HEXB: variants seen among roughly 807,000 people sequenced by gnomAD.
HEXB encodes the protein beta-hexosaminidase subunit beta.
In HEXB, 51 loss-of-function variants were observed where a neutral mutation model predicts 71.2. That is an observed-to-expected ratio of 0.72 (90% CI 0.57 to 0.90). HEXB has a LOEUF of 0.90. HEXB is among the 40% of genes least tolerant of loss of function. The pLI is 0.00. For synonymous variants in HEXB, 266 were observed against 249.3 expected, an observed-to-expected ratio of 1.07 and a Z score of -0.63; for missense variants, 617 against 677.0, an observed-to-expected ratio of 0.91 and a Z score of 0.98.
chr5:74,691,461 A>G (rs144304063), intron 2 of HEXB, among the ~76,000 whole-genome samples: 2 of 152,356 alleles, frequency 1.3e-5, no homozygotes, highest in Non-Finnish European at 2.9e-5. Flanking sequence ...GTCAATCTAT[A>G]CTAAACAGTA....
intron 1 of HEXB, among the ~76,000 whole-genome samples, chr5:74,670,409 C>T (rs1748511280): frequency 6.6e-6 from 1 of 152,110 alleles, no homozygotes; most frequent in African/African-American, 2.4e-5. Context: ...AAATTATTCT[C>T]CACCCTCCTC....
intron 1 of HEXB, among the ~76,000 whole-genome samples, chr5:74,646,965 A>G (rs1748013086): frequency 6.6e-6 from 1 of 152,254 alleles, no homozygotes; most frequent in South Asian, 2.1e-4. Flanking sequence ...ATAGCTAGCT[A>G]TATTTAGAAG....
chr5:74,712,801 C>G (rs902730459), intron 6 of HEXB, among the ~76,000 whole-genome samples: 2 of 152,104 alleles, frequency 1.3e-5, no homozygotes, highest in Admixed American at 1.3e-4. Flanking sequence ...TGCTTTTCCG[C>G]AACTGAGCAC....
At chr5:74,686,867 G>C (rs820882) in intron 1 of HEXB, among the ~76,000 whole-genome samples, 102,240 of 152,080 alleles carry the variant, frequency 0.67, 35,000 homozygotes, top group Non-Finnish European at 0.74. Flanking sequence ...AAACAAACAC[G>C]CTTATTATGT....
chr5:74,702,457 T>C (rs1249378235), intron 5 of HEXB, among the ~76,000 whole-genome samples: 1 of 152,170 alleles, frequency 6.6e-6, no homozygotes, highest in Non-Finnish European at 1.5e-5. Context: ...TTGTCCATTT[T>C]CCAGAAGATA....
rs1364602675 is a variant in HEXB, at chr5:74,718,329, T to C, written c.1208T>C (p.Ile403Thr). The C allele has an allele frequency of 2.2e-5, 35 of 1,612,068 alleles. No individual in the cohort carries two copies. The highest frequency in any genetic ancestry group is 2.9e-5 in the Non-Finnish European group (34 of 1,178,284). ...DIIATINKGS[I>T]VWQEVFDDKA... ...ATTGCAACCATAAACAAGGGATCCA[T>C]TGTCTGGCAGGAGGTTTTTGATGAT... The change falls in exon 10 of 14, where the codon ATT (isoleucine) becomes ACT (threonine). Residue 403 changes from isoleucine (I) to threonine (T), a missense_variant. Ile to Thr is a moderately conservative substitution (Grantham distance 89, BLOSUM62 -1). Coordinates refer to ENST00000261416, the MANE Select transcript of HEXB (RefSeq NM_000521.4).
chr5:74,673,203 C>T (rs2112105373), intron 1 of HEXB, among the ~76,000 whole-genome samples: 1 of 152,306 alleles, frequency 6.6e-6, no homozygotes, highest in African/African-American at 2.4e-5. Flanking sequence ...GGGAGAAATG[C>T]TTGCCAGTTG....
At chr5:74,673,635 G>A (rs969783364) in intron 1 of HEXB, among the ~76,000 whole-genome samples, 3 of 152,188 alleles carry the variant, frequency 2.0e-5, no homozygotes, top group African/African-American at 7.2e-5. Flanking sequence ...ATGTTCTTTA[G>A]TTTCTGCTCA....
At chr5:74,648,417 G>A (rs1003747465) in intron 1 of HEXB, among the ~76,000 whole-genome samples, 1 of 152,132 alleles carries the variant, frequency 6.6e-6, no homozygotes, top group Non-Finnish European at 1.5e-5. Flanking sequence ...AAATAGTACC[G>A]AAGGACAAGA....
rs535921005 is a variant in HEXB at position 74,651,935 on chromosome 5, T to G, written c.-377+11377T>G. 5.3e-5 allele frequency among the ~76,000 whole-genome samples: 8 copies of G among 152,322 alleles called. No individual in the cohort carries two copies. The South Asian group carries it at 1.7e-3, about 32-fold the overall frequency. ...AAGTAATGGGTTATTAATTCGAACA[T>G]GCCAGCACAAATCCTCCTGGCCTGT... On this transcript the variant is annotated intron_variant, in intron 1 of 13. Coordinates refer to the HEXB transcript ENST00000511181.
At position 74,641,453 on chromosome 5, in the gene HEXB, C is replaced by A. The variant is rs956364672; in HGVS notation, c.-377+895C>A. 1 of 152,344 alleles carries A rather than the reference C, an allele frequency of 6.6e-6. No homozygotes were observed. The highest frequency in any genetic ancestry group is 1.5e-5 in the Non-Finnish European group (1 of 68,116). The allele number at this position is 152,344 out of a possible 1,614,324, so 9.4% of individuals were successfully genotyped here. A position where few individuals can be genotyped will look rare whatever the true frequency, so the allele number is the denominator to read the frequency against. On this transcript the variant is annotated intron_variant, in intron 1 of 13. Coordinates refer to the HEXB transcript ENST00000511181. The surrounding 1 kb of genome is among the most constrained non-coding windows in gnomAD (Gnocchi z 4.1). The stretch of plus-strand genomic sequence containing the variant: ...CTAAGCCAGGCGACTGCAGGGGCAG[C>A]CGGGGCGCAGTCCTGCGGGGCGCGC...
chr5:74,685,617 C>G (rs1748848999), intron 1 of HEXB, 58 bp downstream of exon 1: 1 of 1,473,208 alleles, frequency 6.8e-7, no homozygotes, highest in Admixed American at 2.3e-5. Flanking sequence ...GCGGACCACC[C>G]CGGAGCGCTG....
chr5:74,684,781 G>C (rs1452917913), upstream of HEXB, among the ~76,000 whole-genome samples: 2 of 151,060 alleles, frequency 1.3e-5, no homozygotes, highest in Non-Finnish European at 2.9e-5. Context: ...GGGTTCAAGA[G>C]ATTCTCCTGC....
Position 74,713,628 on chromosome 5 carries a change from G to C in HEXB, c.894G>C (p.Trp298Cys), listed in dbSNP as rs1439544901. ...ATACCCCTGGGCATACACTATCTTG[G>C]GGAAAAGGTAAGGAGTTGTATTTTA... is the stretch of plus-strand genomic sequence containing the variant. ...EFDTPGHTLS[W>C]GKGQKDLLTP... is the part of the protein sequence containing the mutation. Residue 298 changes from tryptophan to cysteine, a missense_variant, in exon 7 of 14, where the codon TGG (tryptophan) becomes TGC (cysteine). By Grantham distance (215) the Trp-to-Cys change is radical (BLOSUM62 -2). Transcript: ENST00000261416. 6.2e-7 allele frequency: 1 copy of C among 1,612,632 alleles called. No homozygotes were observed. Among genetic ancestry groups the C allele is most frequent in the East Asian group, 2.2e-5 (1 of 44,868 alleles).
Position 74,652,122 on chromosome 5 carries a change from T to TAAG in HEXB, c.-377+11565_-377+11566insAGA, listed in dbSNP as rs1748122975. On this transcript the variant is annotated intron_variant, in intron 1 of 13. Transcript: ENST00000511181. This position sits in a 1 kb window ranked among gnomAD's most constrained non-coding sequence, Gnocchi z 5.4. ...TGGAAATTAAAATGATGAACTCTTT[T>TAAG]ACGTGAGTAGGTAATACATATGCAT... Among the ~76,000 whole-genome samples, 1 of 152,214 alleles carries TAAG rather than the reference T, an allele frequency of 6.6e-6. No individual in the cohort carries two copies. The highest frequency in any genetic ancestry group is 1.5e-5 in the Non-Finnish European group (1 of 68,036).
chr5:74,668,889 T>C (rs1748483432), intron 1 of HEXB, among the ~76,000 whole-genome samples: 1 of 152,252 alleles, frequency 6.6e-6, no homozygotes, highest in Admixed American at 6.5e-5. Flanking sequence ...CAATTGCATT[T>C]CCTTATTTGG....
At chr5:74,672,818 C>T (rs1346571531) in intron 1 of HEXB, among the ~76,000 whole-genome samples, 1 of 152,170 alleles carries the variant, frequency 6.6e-6, no homozygotes, top group African/African-American at 2.4e-5. Flanking sequence ...ATATACAAGA[C>T]AAATCGTAGA....
chr5:74,672,954 G>T (rs1429581123), intron 1 of HEXB, among the ~76,000 whole-genome samples: 1 of 152,184 alleles, frequency 6.6e-6, no homozygotes, highest in Non-Finnish European at 1.5e-5. Context: ...GCTTCTTGTG[G>T]CATCAGAGCA....
rs552143430 is a variant in HEXB, at chr5:74,646,837, G to C, written c.-377+6279G>C. 1.1e-4 allele frequency among the ~76,000 whole-genome samples: 16 copies of C among 152,200 alleles called. No individual in the cohort carries two copies. The South Asian group carries it at 2.7e-3, about 26-fold the overall frequency. On this transcript the variant is annotated intron_variant, in intron 1 of 13. Coordinates refer to the HEXB transcript ENST00000511181. ...CCACCTCAGCCTCCCAAAGTGCTGG[G>C]ATTACAGGCGTGAGCCACCACGCCC...
Sources: gnomAD v4.1 joint callset for allele counts (sites outside exome capture counted in the v4.1 genomes callset) on GRCh38, gnomAD v4.1.1 for gene constraint, Gnocchi (gnomAD v3.1) non-coding constraint, MANE v1.5 for transcripts, NCBI Gene and HGNC (gene_info 2026-07-23, HGNC 2026-07-21) for gene names.